Variants in ANXA3 observed in about 807,000 individuals in gnomAD.
ANXA3 encodes annexin A3, also known as 35-alpha calcimedin.
A neutral mutation model predicts 48.8 loss-of-function variants in ANXA3; 46 were observed. That is an observed-to-expected ratio of 0.94 (90% CI 0.74 to 1.21). The LOEUF (loss-of-function observed/expected upper bound fraction) is 1.21. Ranked by LOEUF, ANXA3 falls within the 50% of genes most tolerant of loss-of-function variation. The pLI is 0.00. For synonymous variants in ANXA3, 128 were observed against 134.7 expected, an observed-to-expected ratio of 0.95 and a Z score of 0.35; for missense variants, 383 against 378.6, an observed-to-expected ratio of 1.01 and a Z score of -0.10.
At chr4:78,563,925 G>A (rs1722677282) in intron 2 of ANXA3, among the ~76,000 whole-genome samples, 1 of 152,220 alleles carries the variant, frequency 6.6e-6, no homozygotes, top group African/African-American at 2.4e-5. Flanking sequence ...GAATAGCCAT[G>A]TTAGTCTTCA....
intron 2 of ANXA3, among the ~76,000 whole-genome samples, chr4:78,560,909 C>T (rs1722614024): frequency 6.6e-6 from 1 of 152,000 alleles, no homozygotes; most frequent in South Asian, 2.1e-4. Context: ...ACACAGTTTC[C>T]AATATATATT....
At chr4:78,589,843 T>G (rs958002052) in intron 6 of ANXA3, among the ~76,000 whole-genome samples, 11 of 152,216 alleles carry the variant, frequency 7.2e-5, no homozygotes, top group Admixed American at 5.9e-4. Context: ...CAATAGAGTC[T>G]AAATAAAGAG....
intron 11 of ANXA3, chr4:78,603,508 T>C (rs1723587529): frequency 6.6e-6 from 1 of 152,214 alleles, no homozygotes; most frequent in Non-Finnish European, 1.5e-5. Flanking sequence ...TCATCATCTC[T>C]TAATTACTCA....
intron 2 of ANXA3, among the ~76,000 whole-genome samples, chr4:78,563,811 C>T (rs957478132): frequency 6.6e-6 from 1 of 152,092 alleles, no homozygotes; most frequent in Admixed American, 6.6e-5. Flanking sequence ...TCCATATATC[C>T]AGGAAGATAT....
intron 7 of ANXA3, among the ~76,000 whole-genome samples, chr4:78,594,020 A>C (rs1723363293): frequency 6.6e-6 from 1 of 152,146 alleles, no homozygotes; most frequent in Non-Finnish European, 1.5e-5. Flanking sequence ...ATGATAGAGT[A>C]GTTTCACTGT....
rs1185673192 is a variant in ANXA3 at position 78,582,084 on chromosome 4, G to C, written c.199-93G>C. The C allele has an allele frequency of 9.5e-6, 7 of 733,682 alleles. No homozygotes were observed. The East Asian group carries it at 1.5e-4, about 16-fold the overall frequency. The allele number at this position is 733,682 out of a possible 1,614,324, so 45.4% of individuals were successfully genotyped here. A position where few individuals can be genotyped will look rare whatever the true frequency, so the allele number is the denominator to read the frequency against. ...CCCTGTGGATGGACATGTTTTGTCT[G>C]ATTTTGATACATATGTTCATCTTTC... On this transcript the variant is annotated intron_variant, in intron 4 of 12. Coordinates refer to ENST00000264908, the MANE Select transcript of ANXA3 (RefSeq NM_005139.3).
At chr4:78,581,794 C>T (rs1305931584) in intron 4 of ANXA3, among the ~76,000 whole-genome samples, 2 of 152,156 alleles carry the variant, frequency 1.3e-5, no homozygotes, top group Non-Finnish European at 2.9e-5. Flanking sequence ...TACTGAGAGG[C>T]AAGACACCGA....
chr4:78,568,813 C>A (rs984017529), intron 2 of ANXA3, among the ~76,000 whole-genome samples: 1 of 152,072 alleles, frequency 6.6e-6, no homozygotes, highest in African/African-American at 2.4e-5. Context: ...GGCTGACCTC[C>A]GAAGGATGAT....
At chr4:78,562,933 AG>A (rs1722654120) in intron 2 of ANXA3, among the ~76,000 whole-genome samples, 1 of 152,212 alleles carries the variant, frequency 6.6e-6, no homozygotes, top group Admixed American at 6.5e-5. Flanking sequence ...TGAATGCAAC[AG>A]GAAGATTCCC....
chr4:78,609,663 C>T (rs1171218414), intron 12 of ANXA3, among the ~76,000 whole-genome samples: 2 of 152,146 alleles, frequency 1.3e-5, no homozygotes, highest in Non-Finnish European at 2.9e-5. Flanking sequence ...GTACCTATTG[C>T]AGAGAGCTTT....
At chr4:78,601,111 ATCGCTGC>A in intron 10 of ANXA3, among the ~76,000 whole-genome samples, 1 of 152,316 alleles carries the variant, frequency 6.6e-6, no homozygotes, top group African/African-American at 2.4e-5. Context: ...TTGGAGCAAC[ATCGCTGC>A]AGTTGTCAGG....
intron 9 of ANXA3, among the ~76,000 whole-genome samples, chr4:78,596,115 TAATA>T (rs1361625169): frequency 6.6e-6 from 1 of 152,090 alleles, no homozygotes; most frequent in African/African-American, 2.4e-5. Flanking sequence ...GAGTACCAGG[TAATA>T]GATGGGGGAG....
In ANXA3 at chr4:78,588,441, A is replaced by G. The variant is rs998041404; in HGVS notation, c.403+2091A>G. 7.2e-5 allele frequency among the ~76,000 whole-genome samples: 11 copies of G among 152,328 alleles called. No individual in the cohort carries two copies. In the South Asian group the frequency reaches 1.9e-3, roughly 26 times the overall value. The stretch of plus-strand genomic sequence containing the variant: ...ACACCTTTCAGAGGACTGAAAAAGC[A>G]AAAAGGGAACAAAAGGATTCATGCA... On this transcript the variant is annotated intron_variant, in intron 6 of 12. Transcript: ENST00000264908.
At chr4:78,595,530 A>G (rs1723402877) in intron 8 of ANXA3, 93 bp downstream of exon 8, 1 of 1,321,732 alleles carries the variant, frequency 7.6e-7, no homozygotes, top group Non-Finnish European at 1.1e-6. Flanking sequence ...TAGCAGCAAC[A>G]GGGACTTTTC....
Position 78,591,604 on chromosome 4 carries a change from C to G in ANXA3, c.464C>G (p.Ala155Gly). 6.2e-7 allele frequency: 1 copy of G among 1,613,402 alleles called. No individual in the cohort carries two copies. Among genetic ancestry groups the G allele is most frequent in the Non-Finnish European group, 8.5e-7 (1 of 1,179,466 alleles). Residue 155 changes from alanine (A) to glycine (G), a missense_variant, in exon 7 of 13, where the codon GCT becomes GGT. Physicochemically the swap from Ala to Gly is moderately conservative, Grantham distance 60. Transcript: ENST00000264908. ...GAAACATCTGGTGACTTCCGGAAAGCTCTGTTGACTTTGGCAGATGTAAGG... is the reference window on the plus strand; with the variant it reads ...GAAACATCTGGTGACTTCCGGAAAGGTCTGTTGACTTTGGCAGATGTAAGG... Reference protein sequence around the residue: ...SSETSGDFRKALLTLADGRRD... With the variant: ...SSETSGDFRKGLLTLADGRRD...
intron 4 of ANXA3, among the ~76,000 whole-genome samples, chr4:78,581,430 C>T (rs1014002452): frequency 2.0e-5 from 3 of 152,062 alleles, no homozygotes; most frequent in Non-Finnish European, 4.4e-5. Context: ...AGTGTTCCAT[C>T]GCCCTGTAGG....
intron 7 of ANXA3, among the ~76,000 whole-genome samples, chr4:78,593,530 T>C (rs1723349360): frequency 6.6e-6 from 1 of 151,276 alleles, no homozygotes; most frequent in Admixed American, 6.6e-5. Flanking sequence ...TTAAATAAAC[T>C]TTACTTTTTA....
chr4:78,608,011 T>A (rs891021548), intron 12 of ANXA3, among the ~76,000 whole-genome samples: 1 of 152,118 alleles, frequency 6.6e-6, no homozygotes, highest in Non-Finnish European at 1.5e-5. Context: ...AAAATCCAAG[T>A]AGCAAGATGA....
intron 12 of ANXA3, among the ~76,000 whole-genome samples, chr4:78,607,440 C>G (rs1251936910): frequency 6.6e-6 from 1 of 151,874 alleles, no homozygotes; most frequent in African/African-American, 2.4e-5. Context: ...AGGGGGTAAC[C>G]GGTGGGAAGG....
Sources: gnomAD v4.1 joint callset for allele counts (sites outside exome capture counted in the v4.1 genomes callset) on GRCh38, gnomAD v4.1.1 for gene constraint, MANE v1.5 for transcripts, NCBI Gene and HGNC (gene_info 2026-07-23, HGNC 2026-07-21) for gene names.